Variants in GNG7 observed in about 807,000 individuals in gnomAD.
The protein encoded by GNG7 is guanine nucleotide-binding protein G(I)/G(S)/G(O) subunit gamma-7.
In GNG7, 1 loss-of-function variant was observed where a neutral mutation model predicts 4.0. The ratio of observed to expected loss-of-function variants is 0.25; its 90% CI spans 0.09 to 1.18. The LOEUF (loss-of-function observed/expected upper bound fraction) is 1.18. Ranked by LOEUF, GNG7 falls within the 50% of genes most tolerant of loss-of-function variation. The pLI is 0.50. For missense variants in GNG7, 86 were observed against 91.9 expected (o/e 0.94, Z 0.26); for synonymous variants, 34 against 36.9 (o/e 0.92, Z 0.29).
chr19:2,563,600 C>T lies in GNG7; in HGVS notation c.-77-8412G>A, dbSNP rs930282095. Among the ~76,000 whole-genome samples, 6 of 152,230 alleles carry T rather than the reference C, an allele frequency of 3.9e-5. No homozygotes were observed. In the East Asian group the frequency reaches 1.2e-3, roughly 29 times the overall value. On this transcript the variant is annotated intron_variant, in intron 2 of 4. Coordinates refer to ENST00000382159, the MANE Select transcript of GNG7 (RefSeq NM_052847.3). ...GTTCAAGTGATTCTCCTGCCTCAGC[C>T]TCCCTATAGTAGTTGGAACTACGGG...
rs1979590723 is a variant in GNG7 at position 2,557,298 on chromosome 19, T to C, written c.-77-2110A>G. Among the ~76,000 whole-genome samples, 2 of 141,986 alleles carry C rather than the reference T, an allele frequency of 1.4e-5. No homozygotes were observed. Among genetic ancestry groups the C allele is most frequent in the African/African-American group, 2.7e-5 (1 of 36,922 alleles). The allele number at this position is 141,986 out of a possible 152,430, so 93.1% of individuals were successfully genotyped here. On this transcript the variant is annotated intron_variant, in intron 2 of 4. Transcript: ENST00000382159. This position sits in a 1 kb window ranked among gnomAD's most constrained non-coding sequence, Gnocchi z 5.1. ...ACACAGACACGTGCACACACAGAGGTGCACATACACGCACAGACACACATG... is the reference window on the plus strand; with the variant it reads ...ACACAGACACGTGCACACACAGAGGCGCACATACACGCACAGACACACATG...
At chr19:2,554,559 A>ATTTTTT (rs34740203) in intron 3 of GNG7, among the ~76,000 whole-genome samples, 1 of 130,116 alleles carries the variant, frequency 7.7e-6, no homozygotes, top group African/African-American at 2.8e-5. Context: ...ATATATATAT[A>ATTTTTT]TTTTTTTTTT....
chr19:2,561,803 C>G (rs111629940), intron 2 of GNG7, among the ~76,000 whole-genome samples: 43,976 of 151,446 alleles, frequency 0.29, 7,157 homozygotes, highest in Non-Finnish European at 0.37. Context: ...ATCGCTTGAA[C>G]CTGGGAGGCA....
chr19:2,639,426 C>A (rs540300291), intron 2 of GNG7, among the ~76,000 whole-genome samples: 1 of 151,742 alleles, frequency 6.6e-6, no homozygotes, highest in African/African-American at 2.4e-5. Flanking sequence ...AGAGAACGGT[C>A]GGATTCACCG....
chr19:2,671,630 A>T (rs996417927), intron 1 of GNG7, among the ~76,000 whole-genome samples: 1 of 151,998 alleles, frequency 6.6e-6, no homozygotes, highest in Non-Finnish European at 1.5e-5. Flanking sequence ...GGAGCCCCAG[A>T]GAGACAACAC....
At chr19:2,650,184 T>TC in intron 1 of GNG7, among the ~76,000 whole-genome samples, 1 of 38,996 alleles carries the variant, frequency 2.6e-5, no homozygotes. Context: ...CATAGGAATC[T>TC]TTTTTTTTTT....
chr19:2,562,905 G>T (rs1979786819), intron 2 of GNG7, among the ~76,000 whole-genome samples: 1 of 152,072 alleles, frequency 6.6e-6, no homozygotes, highest in African/African-American at 2.4e-5. Flanking sequence ...TTATTCTGGT[G>T]TCCAGTGTGA....
At chr19:2,547,303 A>C (rs2144753434) in intron 3 of GNG7, among the ~76,000 whole-genome samples, 1 of 152,024 alleles carries the variant, frequency 6.6e-6, no homozygotes, top group South Asian at 2.1e-4. Flanking sequence ...CATGGGCCTC[A>C]CTGGTTTAAA....
chr19:2,527,924 C>T (rs904521741), intron 3 of GNG7, among the ~76,000 whole-genome samples: 42 of 152,242 alleles, frequency 2.8e-4, no homozygotes, highest in African/African-American at 9.4e-4. Context: ...TTAGGCAAAA[C>T]GCAAAGAGTT....
At chr19:2,551,575 T>TA (rs1979322207) in intron 3 of GNG7, among the ~76,000 whole-genome samples, 1 of 78,718 alleles carries the variant, frequency 1.3e-5, no homozygotes, top group Non-Finnish European at 2.2e-5. Context: ...CTATTATCTA[T>TA]AATATATAAA....
chr19:2,646,883 T>C (rs1264900977), intron 1 of GNG7, among the ~76,000 whole-genome samples: 2 of 152,172 alleles, frequency 1.3e-5, no homozygotes, highest in Non-Finnish European at 2.9e-5. Flanking sequence ...ACGATCTCCC[T>C]GGGAGGAAGA....
chr19:2,674,864 C>T (rs1018815220), intron 1 of GNG7, among the ~76,000 whole-genome samples: 1 of 152,196 alleles, frequency 6.6e-6, no homozygotes, highest in Admixed American at 6.6e-5. Context: ...GCGCCGACTC[C>T]ATCGGGCAGC....
chr19:2,677,919 G>C (rs968651048), intron 1 of GNG7, among the ~76,000 whole-genome samples: 11 of 150,904 alleles, frequency 7.3e-5, no homozygotes, highest in Admixed American at 1.3e-4. Flanking sequence ...CACAGTGACA[G>C]AGAGTGATAA....
At chr19:2,651,507 G>A (rs1017043159) in intron 1 of GNG7, among the ~76,000 whole-genome samples, 5 of 135,578 alleles carry the variant, frequency 3.7e-5, no homozygotes, top group Non-Finnish European at 7.9e-5. Flanking sequence ...GTCTTCCTTT[G>A]TCTCTCTCTT....
At chr19:2,537,093 C>A (rs972266270) in intron 3 of GNG7, among the ~76,000 whole-genome samples, 2 of 151,640 alleles carry the variant, frequency 1.3e-5, no homozygotes, top group Non-Finnish European at 2.9e-5. Context: ...ACTACAGGTG[C>A]CCGCCACCGC....
intron 1 of GNG7, among the ~76,000 whole-genome samples, chr19:2,683,112 G>T (rs539329112): frequency 8.1e-4 from 124 of 152,182 alleles, no homozygotes; most frequent in Non-Finnish European, 1.3e-3. Context: ...GCTGGCGCAT[G>T]CCTGTAATCC....
At chr19:2,588,849 C>G (rs61683003) in intron 2 of GNG7, among the ~76,000 whole-genome samples, 32,454 of 151,992 alleles carry the variant, frequency 0.21, 4,753 homozygotes, top group East Asian at 0.53. Context: ...GCTTTGTCTT[C>G]GTGGTGGCAC....
At chr19:2,649,746 C>T (rs951317370) in intron 1 of GNG7, among the ~76,000 whole-genome samples, 3 of 152,112 alleles carry the variant, frequency 2.0e-5, no homozygotes, top group African/African-American at 7.2e-5. Flanking sequence ...ATACAACTCG[C>T]CCACTTGAAG....
intron 1 of GNG7, among the ~76,000 whole-genome samples, chr19:2,682,567 G>T (rs1983765209): frequency 6.7e-6 from 1 of 150,166 alleles, no homozygotes. Context: ...GGAGGCTGAG[G>T]CAGGAGAATC....
Sources: allele counts gnomAD v4.1 joint callset (sites outside exome capture counted in the v4.1 genomes callset), GRCh38; gene constraint gnomAD v4.1.1; non-coding constraint Gnocchi (gnomAD v3.1); transcripts MANE v1.5; gene names NCBI Gene and HGNC (gene_info 2026-07-23, HGNC 2026-07-21).